Variants in KLHL29 observed in about 807,000 individuals in gnomAD.
KLHL29 encodes kelch like family member 29, also known as kelch-like protein 29.
KLHL29 carries 21 observed loss-of-function variants against 80.4 expected under a neutral mutation model. That is an observed-to-expected ratio of 0.26 (90% confidence interval 0.19 to 0.38). KLHL29 has a LOEUF of 0.38. Ranked by LOEUF, KLHL29 falls within the 10% of genes least tolerant of loss-of-function variation. The probability of loss-of-function intolerance (pLI) is 1.00; values close to 1 mark genes in which losing one functional copy is unlikely to be tolerated. For synonymous variants in KLHL29, 511 were observed against 526.8 expected (o/e 0.97, Z 0.41); for missense variants, 867 against 1,223.9 (o/e 0.71, Z 4.35).
intron 4 of KLHL29, among the ~76,000 whole-genome samples, chr2:23,640,629 A>G (rs1291979909): frequency 6.6e-6 from 1 of 152,130 alleles, no homozygotes; most frequent in Non-Finnish European, 1.5e-5. Flanking sequence ...TACTTCACTT[A>G]TGTTTGTTGG....
At chr2:23,502,630 G>A (rs2103455766) in intron 2 of KLHL29, among the ~76,000 whole-genome samples, 1 of 152,328 alleles carries the variant, frequency 6.6e-6, no homozygotes, top group East Asian at 1.9e-4. Flanking sequence ...CTCGTGTTTG[G>A]CCCTTCCAGC....
rs150501173 is a variant in KLHL29, at chr2:23,701,628, G to A, written c.2106-1558G>A. 1.4e-4 allele frequency among the ~76,000 whole-genome samples: 22 copies of A among 151,910 alleles called. No individual in the cohort carries two copies. The East Asian group carries it at 3.9e-3, about 27-fold the overall frequency. On this transcript the variant is annotated intron_variant, in intron 11 of 13. Transcript: ENST00000486442. The stretch of plus-strand genomic sequence containing the variant: ...CTCAGGAGGCTGAGGTGGGAGAATT[G>A]TTTAAGCCCAGAAGATCAAGGCTGC...
chr2:23,458,501 C>T (rs559203993), intron 1 of KLHL29, among the ~76,000 whole-genome samples: 9 of 152,320 alleles, frequency 5.9e-5, no homozygotes, highest in Admixed American at 2.0e-4. Flanking sequence ...CAGAGGTAAT[C>T]CTCTATCTAC....
intron 1 of KLHL29, among the ~76,000 whole-genome samples, chr2:23,408,119 G>GT (rs1666775759): frequency 6.6e-6 from 1 of 151,648 alleles, no homozygotes; most frequent in Non-Finnish European, 1.5e-5. Flanking sequence ...ATACCACACT[G>GT]TTTCAAATGC....
intron 1 of KLHL29, among the ~76,000 whole-genome samples, chr2:23,441,752 C>T (rs950185724): frequency 4.6e-5 from 7 of 152,172 alleles, no homozygotes; most frequent in African/African-American, 1.7e-4. Flanking sequence ...CAGTTCCTTT[C>T]CATGTGGCCT....
At chr2:23,418,640 G>T (rs1328205408) in intron 1 of KLHL29, among the ~76,000 whole-genome samples, 2 of 152,116 alleles carry the variant, frequency 1.3e-5, no homozygotes, top group Non-Finnish European at 2.9e-5. Flanking sequence ...ACCGGGGGAG[G>T]GTAGTAAGGG....
At chr2:23,569,615 A>AT (rs11404315) in intron 3 of KLHL29, among the ~76,000 whole-genome samples, 41,283 of 151,928 alleles carry the variant, frequency 0.27, 9,453 homozygotes, top group African/African-American at 0.61. Context: ...CATTTATAAC[A>AT]TTTTTTTTAT....
At chr2:23,567,544 A>G (rs1338156712) in intron 3 of KLHL29, among the ~76,000 whole-genome samples, 5 of 152,214 alleles carry the variant, frequency 3.3e-5, no homozygotes, top group African/African-American at 1.2e-4. Flanking sequence ...CATAGAGACA[A>G]CGCTGGAGAT....
At chr2:23,639,740 T>TGCCC (rs1385123612) in intron 4 of KLHL29, among the ~76,000 whole-genome samples, 1 of 152,124 alleles carries the variant, frequency 6.6e-6, no homozygotes, top group Non-Finnish European at 1.5e-5. Flanking sequence ...CCATAATGAA[T>TGCCC]GCCCTCTCTT....
chr2:23,400,502 A>C (rs1477286063), intron 1 of KLHL29, among the ~76,000 whole-genome samples: 1 of 152,142 alleles, frequency 6.6e-6, no homozygotes, highest in Non-Finnish European at 1.5e-5. Flanking sequence ...AATGCTGGGC[A>C]GTATCTTATC....
intron 1 of KLHL29, among the ~76,000 whole-genome samples, chr2:23,424,227 T>C (rs117801194): frequency 6.6e-6 from 1 of 152,222 alleles, no homozygotes; most frequent in Admixed American, 6.5e-5. Context: ...CAGCCAATAA[T>C]TCCTTACATA....
intron 1 of KLHL29, among the ~76,000 whole-genome samples, chr2:23,465,179 C>G (rs1664314374): frequency 6.6e-6 from 1 of 152,208 alleles, no homozygotes; most frequent in Non-Finnish European, 1.5e-5. Flanking sequence ...ATGGCCCCCT[C>G]TCACTCAGAA....
Position 23,503,630 on chromosome 2 carries a change from G to A in KLHL29, c.-46+27963G>A, listed in dbSNP as rs1441801676. Reference sequence around the variant, plus strand: ...AGAACAGAGGCACCATGGCCAGGAGGCCCTTCCTTTGTTGGGTAGGAGCTG... The same window carrying A: ...AGAACAGAGGCACCATGGCCAGGAGACCCTTCCTTTGTTGGGTAGGAGCTG... On this transcript the variant is annotated intron_variant, in intron 2 of 13. Transcript: ENST00000486442. This position sits in a 1 kb window ranked among gnomAD's most constrained non-coding sequence, Gnocchi z 4.0. 6.6e-6 allele frequency among the ~76,000 whole-genome samples: 1 copy of A among 151,232 alleles called. No individual in the cohort carries two copies.
At chr2:23,506,953 A>T in intron 2 of KLHL29, 1 of 206,860 alleles carries the variant, frequency 4.8e-6, no homozygotes, top group Non-Finnish European at 1.1e-5. Context: ...TGGGAAAGGG[A>T]GAAGAATGCT....
intron 2 of KLHL29, among the ~76,000 whole-genome samples, chr2:23,560,263 CTTTTTTTTTTT>C (rs67065961): frequency 2.7e-5 from 2 of 73,272 alleles, no homozygotes; most frequent in Non-Finnish European, 4.7e-5. Context: ...ATTGGATAGG[CTTTTTTTTTTT>C]TTTTTTTTTT....
chr2:23,416,431 C>T (rs1356553412), intron 1 of KLHL29, among the ~76,000 whole-genome samples: 1 of 152,168 alleles, frequency 6.6e-6, no homozygotes, highest in Non-Finnish European at 1.5e-5. Flanking sequence ...TAGCAAAAGG[C>T]AAGTGATACA....
intron 5 of KLHL29, among the ~76,000 whole-genome samples, chr2:23,661,044 A>G (rs1031264645): frequency 6.7e-6 from 1 of 150,046 alleles, no homozygotes; most frequent in South Asian, 2.1e-4. Flanking sequence ...AAAAAAAAAG[A>G]GAGAGAGAGA....
chr2:23,617,370 C>T (rs1400135974), intron 3 of KLHL29: 1 of 152,276 alleles, frequency 6.6e-6, no homozygotes, highest in Non-Finnish European at 1.5e-5. Flanking sequence ...ATCCCTCTGT[C>T]CAGCTGGCTT....
At chr2:23,413,598 G>A (rs1015978376) in intron 1 of KLHL29, among the ~76,000 whole-genome samples, 1 of 152,162 alleles carries the variant, frequency 6.6e-6, no homozygotes, top group Non-Finnish European at 1.5e-5. Flanking sequence ...CTCCACCCCT[G>A]GGGAGAGACG....
Sources: allele counts gnomAD v4.1 joint callset (sites outside exome capture counted in the v4.1 genomes callset), GRCh38; gene constraint gnomAD v4.1.1; non-coding constraint Gnocchi (gnomAD v3.1); transcripts MANE v1.5; gene names NCBI Gene and HGNC (gene_info 2026-07-23, HGNC 2026-07-21).